The following RALGPS2 variants were observed in gnomAD, a reference collection of about 807,000 sequenced individuals.
RALGPS2 encodes ras-specific guanine nucleotide-releasing factor RalGPS2.
A neutral mutation model predicts 86.8 loss-of-function variants in RALGPS2; 43 were observed. That is an observed-to-expected ratio of 0.50 (90% confidence interval 0.39 to 0.64). The LOEUF (loss-of-function observed/expected upper bound fraction) is 0.64, where lower values mean the gene tolerates loss of function less well. Among genes scored for constraint, RALGPS2 ranks in the 30% least tolerant of loss-of-function variants. The pLI is 0.00. For missense variants in RALGPS2, 536 were observed against 694.6 expected (o/e 0.77, Z 2.57); for synonymous variants, 243 against 231.3 (o/e 1.05, Z -0.46).
Position 178,881,978 on chromosome 1 carries a change from A to G in RALGPS2, c.837-1488A>G, listed in dbSNP as rs569627997. Among the ~76,000 whole-genome samples the G allele has an allele frequency of 3.7e-4, 56 of 152,326 alleles. No homozygotes were observed. The South Asian group carries it at 0.012, about 32-fold the overall frequency. On this transcript the variant is annotated intron_variant, in intron 10 of 19. Transcript: ENST00000367635. ...ATCTACATAGGCAGCCAGTATAGAT[A>G]TTACAAATTACATGTCTTTTGATCA...
intron 1 of RALGPS2, 48 bp from the exon 2 acceptor site, chr1:178,776,634 C>A: frequency 1.0e-5 from 6 of 583,702 alleles, no homozygotes; most frequent in Non-Finnish European, 1.7e-5. Context: ...GAGTTGTTTT[C>A]TTGAACTTCG....
At chr1:178,867,459 GC>G (rs1658487584) in intron 8 of RALGPS2, among the ~76,000 whole-genome samples, 1 of 152,008 alleles carries the variant, frequency 6.6e-6, no homozygotes, top group African/African-American at 2.4e-5. Context: ...CTGAAGTAAT[GC>G]TGTATCATTT....
intron 16 of RALGPS2, among the ~76,000 whole-genome samples, chr1:178,894,995 G>A (rs1659876529): frequency 6.6e-6 from 1 of 151,886 alleles, no homozygotes; most frequent in African/African-American, 2.4e-5. Context: ...TTAAATTCCT[G>A]TAATACAGTT....
At chr1:178,865,373 A>G in intron 8 of RALGPS2, 1 of 1,614,092 alleles carries the variant, frequency 6.2e-7, no homozygotes, top group African/African-American at 1.3e-5. Flanking sequence ...TAATAATTGC[A>G]TATAGAGTTG....
At chr1:178,910,739 T>C (rs1660588109) in intron 19 of RALGPS2, among the ~76,000 whole-genome samples, 1 of 152,200 alleles carries the variant, frequency 6.6e-6, no homozygotes, top group African/African-American at 2.4e-5. Context: ...ATTGTATCTC[T>C]GCTAGTTTTT....
At chr1:178,911,688 G>C (rs1405579597) in intron 19 of RALGPS2, among the ~76,000 whole-genome samples, 1 of 152,180 alleles carries the variant, frequency 6.6e-6, no homozygotes, top group East Asian at 1.9e-4. Context: ...GTATATTCTT[G>C]TGTTGTTGAA....
At chr1:178,836,656 G>T (rs1057032436) in intron 8 of RALGPS2, among the ~76,000 whole-genome samples, 9 of 152,184 alleles carry the variant, frequency 5.9e-5, no homozygotes, top group African/African-American at 1.9e-4. Flanking sequence ...TTCTCCACAA[G>T]TAGCACCAGT....
chr1:178,812,270 CA>C (rs1655020675), intron 6 of RALGPS2, among the ~76,000 whole-genome samples: 1 of 152,080 alleles, frequency 6.6e-6, no homozygotes, highest in South Asian at 2.1e-4. Flanking sequence ...GTCCTGAGAC[CA>C]AGTTTCTCTG....
intron 8 of RALGPS2, among the ~76,000 whole-genome samples, chr1:178,870,167 C>G (rs1213585465): frequency 6.6e-6 from 1 of 152,094 alleles, no homozygotes; most frequent in Non-Finnish European, 1.5e-5. Context: ...ACAAGAAATG[C>G]CATAGATTAA....
chr1:178,886,799 C>T (rs554735850), intron 13 of RALGPS2, among the ~76,000 whole-genome samples: 5 of 152,160 alleles, frequency 3.3e-5, no homozygotes, highest in South Asian at 4.2e-4. Context: ...GGGAAAAAAA[C>T]AAAAGCCCAG....
At chr1:178,773,640 C>A (rs1652916688) in intron 1 of RALGPS2, among the ~76,000 whole-genome samples, 2 of 151,618 alleles carry the variant, frequency 1.3e-5, no homozygotes, top group East Asian at 1.9e-4. Flanking sequence ...ACTAAAAATA[C>A]AAAAAATTAG....
chr1:178,839,390 G>T (rs1232823532), intron 8 of RALGPS2, among the ~76,000 whole-genome samples: 2 of 152,190 alleles, frequency 1.3e-5, no homozygotes, highest in Non-Finnish European at 2.9e-5. Flanking sequence ...TTTCAACCCA[G>T]AATTTCATAT....
At chr1:178,740,267 C>T (rs1650943348) in intron 1 of RALGPS2, among the ~76,000 whole-genome samples, 1 of 152,098 alleles carries the variant, frequency 6.6e-6, no homozygotes, top group African/African-American at 2.4e-5. Flanking sequence ...TCTGGCTTGC[C>T]CACAGTTCCT....
chr1:178,906,130 T>C (rs1028547061), intron 18 of RALGPS2, among the ~76,000 whole-genome samples: 3 of 152,170 alleles, frequency 2.0e-5, no homozygotes, highest in African/African-American at 7.2e-5. Flanking sequence ...CCCAGCACTT[T>C]GGGAAGCCAA....
chr1:178,872,869 A>T (rs929523315), intron 8 of RALGPS2, among the ~76,000 whole-genome samples: 8 of 152,180 alleles, frequency 5.3e-5, no homozygotes, highest in African/African-American at 1.9e-4. Context: ...GAGCTCAGTT[A>T]TATGGAGAGA....
At chr1:178,839,001 A>G (rs1371623307) in intron 8 of RALGPS2, among the ~76,000 whole-genome samples, 1 of 152,224 alleles carries the variant, frequency 6.6e-6, no homozygotes, top group Non-Finnish European at 1.5e-5. Context: ...TCCAAGAAAA[A>G]TGGGACTATG....
At chr1:178,799,751 AC>A (rs1224188578) in intron 4 of RALGPS2, among the ~76,000 whole-genome samples, 1 of 152,026 alleles carries the variant, frequency 6.6e-6, no homozygotes, top group Admixed American at 6.6e-5. Flanking sequence ...GGCTCATTAC[AC>A]TCAGTACTTT....
At chr1:178,897,161 A>G (rs1659985808) in intron 16 of RALGPS2, among the ~76,000 whole-genome samples, 1 of 152,030 alleles carries the variant, frequency 6.6e-6, no homozygotes, top group African/African-American at 2.4e-5. Context: ...GAAGACATTT[A>G]TGCAGCCAAA....
intron 4 of RALGPS2, among the ~76,000 whole-genome samples, chr1:178,800,922 C>T (rs1009745654): frequency 6.6e-6 from 1 of 151,706 alleles, no homozygotes. Context: ...TAAACATATT[C>T]CCAATCTTTT....
Sources: allele counts gnomAD v4.1 joint callset (sites outside exome capture counted in the v4.1 genomes callset), GRCh38; gene constraint gnomAD v4.1.1; transcripts MANE v1.5; gene names NCBI Gene and HGNC (gene_info 2026-07-23, HGNC 2026-07-21).